FHIT: variants seen among roughly 807,000 people sequenced by gnomAD.
The protein encoded by FHIT is fragile histidine triad diadenosine triphosphatase.
Under a neutral mutation model 17.9 loss-of-function variants are expected in FHIT, and 19 were observed. The ratio of observed to expected loss-of-function variants is 1.06; its 90% confidence interval spans 0.74 to 1.56. The LOEUF (loss-of-function observed/expected upper bound fraction) is 1.56, where lower values mean the gene tolerates loss of function less well. Ranked by LOEUF, FHIT falls within the 40% of genes most tolerant of loss-of-function variation. The pLI is 0.00. For missense variants in FHIT, 248 were observed against 189.2 expected (o/e 1.31, Z -1.82); for synonymous variants, 81 against 69.7 (o/e 1.16, Z -0.81).
chr3:61,069,191 G>T (rs1322888685), intron 2 of FHIT, among the ~76,000 whole-genome samples: 1 of 152,092 alleles, frequency 6.6e-6, no homozygotes, highest in African/African-American at 2.4e-5. Context: ...GATAGCCATG[G>T]TTTTTTTCGT....
rs1012383100 is a variant in FHIT at position 59,915,952 on chromosome 3, G to C, written c.348+6394C>G. On this transcript the variant is annotated intron_variant, in intron 8 of 9. Coordinates refer to ENST00000492590, the MANE Select transcript of FHIT (RefSeq NM_002012.4). ...GTCTCTTAGGGAAAAAAAAAAAAAAGAGTTAATAAAATGACTAACCTGAAT... is the reference window on the plus strand; with the variant it reads ...GTCTCTTAGGGAAAAAAAAAAAAAACAGTTAATAAAATGACTAACCTGAAT... Among the ~76,000 whole-genome samples the C allele has an allele frequency of 4.9e-3, 613 of 124,232 alleles. 2 individuals are homozygous for C. The highest frequency in any genetic ancestry group is 0.016 in the African/African-American group (575 of 36,396). 81.5% of individuals were successfully genotyped at this position (124,232 alleles called of 152,430 possible).
chr3:60,962,091 C>G (rs555896314), intron 3 of FHIT, among the ~76,000 whole-genome samples: 12 of 152,252 alleles, frequency 7.9e-5, no homozygotes, highest in Middle Eastern at 3.4e-3. Context: ...TGTTTGTATC[C>G]TCTTTTATTT....
chr3:60,107,821 A>C (rs1361674915), intron 5 of FHIT, among the ~76,000 whole-genome samples: 1 of 152,238 alleles, frequency 6.6e-6, no homozygotes, highest in Non-Finnish European at 1.5e-5. Context: ...TAAGAATATT[A>C]AAAACAGGCA....
intron 5 of FHIT, among the ~76,000 whole-genome samples, chr3:60,405,663 G>A (rs1277747717): frequency 6.6e-6 from 1 of 152,168 alleles, no homozygotes; most frequent in East Asian, 1.9e-4. Flanking sequence ...TCCCCAACTG[G>A]CAAAGAGACC....
chr3:59,906,237 T>C (rs1485619479), intron 8 of FHIT, among the ~76,000 whole-genome samples: 2 of 152,248 alleles, frequency 1.3e-5, no homozygotes, highest in Admixed American at 1.3e-4. Flanking sequence ...AACTATTTTT[T>C]GATTGTGTGT....
intron 7 of FHIT, 109 bp downstream of exon 7, chr3:60,011,262 C>T (rs1300287226): frequency 1.8e-5 from 19 of 1,032,418 alleles, no homozygotes; most frequent in African/African-American, 3.1e-5. Context: ...TCTCTGACCT[C>T]GAAGATAACA....
At chr3:60,349,191 C>T (rs888995393) in intron 5 of FHIT, among the ~76,000 whole-genome samples, 1 of 152,052 alleles carries the variant, frequency 6.6e-6, no homozygotes, top group Non-Finnish European at 1.5e-5. Flanking sequence ...AGAGAAAAGA[C>T]AAAATTAAAT....
chr3:60,643,238 T>G (rs2039770684), intron 4 of FHIT, among the ~76,000 whole-genome samples: 2 of 151,826 alleles, frequency 1.3e-5, no homozygotes, highest in African/African-American at 4.8e-5. Context: ...TTGTTTTCTT[T>G]CCCCCACCCC....
At chr3:60,044,015 C>T (rs1055141894) in intron 5 of FHIT, among the ~76,000 whole-genome samples, 1 of 152,148 alleles carries the variant, frequency 6.6e-6, no homozygotes, top group African/African-American at 2.4e-5. Flanking sequence ...AGTACTTATC[C>T]AAAATCCAAT....
intron 4 of FHIT, among the ~76,000 whole-genome samples, chr3:60,710,142 A>G (rs527324810): frequency 6.6e-6 from 1 of 152,158 alleles, no homozygotes; most frequent in East Asian, 1.9e-4. Context: ...ACTTTTCAAC[A>G]AGGATATTCT....
At chr3:61,205,736 A>G (rs1265597882) in intron 1 of FHIT, among the ~76,000 whole-genome samples, 2 of 152,186 alleles carry the variant, frequency 1.3e-5, no homozygotes, top group Admixed American at 6.5e-5. Flanking sequence ...TCAGATGAGT[A>G]GATTGCAAAA....
At chr3:60,636,246 T>C (rs1180275441) in intron 4 of FHIT, among the ~76,000 whole-genome samples, 2 of 152,084 alleles carry the variant, frequency 1.3e-5, no homozygotes, top group Non-Finnish European at 2.9e-5. Context: ...AATTTTTATA[T>C]TTTTAGTAGA....
chr3:60,449,322 G>A (rs2031560760), intron 5 of FHIT, among the ~76,000 whole-genome samples: 1 of 152,066 alleles, frequency 6.6e-6, no homozygotes, highest in Non-Finnish European at 1.5e-5. Flanking sequence ...CACACTGTAA[G>A]CCTCAGCTTC....
Position 61,143,942 on chromosome 3 carries a change from T to C in FHIT, c.-164+56675A>G, listed in dbSNP as rs149029232. 1.5e-4 allele frequency among the ~76,000 whole-genome samples: 23 copies of C among 152,326 alleles called. No individual in the cohort carries two copies. In the East Asian group the frequency reaches 2.7e-3, roughly 18 times the overall value. On this transcript the variant is annotated intron_variant, in intron 2 of 9. Transcript: ENST00000492590. ...GTGAAAAATTGCATTCTTTTGTCTC[T>C]AGTAGTGTAATATTGACAGTCCAGG... is the stretch of plus-strand genomic sequence containing the variant.
At chr3:60,016,644 G>A (rs1201881793) in intron 5 of FHIT, among the ~76,000 whole-genome samples, 1 of 152,180 alleles carries the variant, frequency 6.6e-6, no homozygotes, top group African/African-American at 2.4e-5. Flanking sequence ...GAATGCTATT[G>A]GTAGAAATCA....
At chr3:60,144,368 C>T (rs1450537382) in intron 5 of FHIT, among the ~76,000 whole-genome samples, 1 of 152,008 alleles carries the variant, frequency 6.6e-6, no homozygotes, top group Non-Finnish European at 1.5e-5. Flanking sequence ...TCATAATAAC[C>T]CAAGGAGGTA....
chr3:59,850,927 C>A (rs1025808411), intron 8 of FHIT, among the ~76,000 whole-genome samples: 1 of 152,218 alleles, frequency 6.6e-6, no homozygotes, highest in South Asian at 2.1e-4. Context: ...CAAAGCTCCC[C>A]TTCGAGGGAA....
chr3:59,760,560 A>C (rs1040221227), intron 8 of FHIT, among the ~76,000 whole-genome samples: 12 of 62,784 alleles, frequency 1.9e-4, no homozygotes, highest in Admixed American at 1.2e-3. Context: ...CCATGCCATC[A>C]AAAAAAAAAA....
At chr3:60,712,608 A>C (rs1189448421) in intron 4 of FHIT, among the ~76,000 whole-genome samples, 1 of 152,168 alleles carries the variant, frequency 6.6e-6, no homozygotes, top group Non-Finnish European at 1.5e-5. Flanking sequence ...GAAAACAAAA[A>C]AAGGCAAGGG....
Sources: allele counts gnomAD v4.1 joint callset (sites outside exome capture counted in the v4.1 genomes callset), GRCh38; gene constraint gnomAD v4.1.1; transcripts MANE v1.5; gene names NCBI Gene and HGNC (gene_info 2026-07-23, HGNC 2026-07-21).